Variants in TMEM43 observed in about 807,000 individuals in gnomAD.
TMEM43 encodes the protein arrhythmogenic right ventricular dysplasia 5.
In TMEM43, 45 loss-of-function variants were observed where a neutral mutation model predicts 49.6. That is an observed-to-expected ratio of 0.91 (90% CI 0.71 to 1.16). The LOEUF is 1.16. Ranked by LOEUF, TMEM43 falls within the 50% of genes most tolerant of loss-of-function variation. The pLI is 0.00. For missense variants in TMEM43, 532 were observed against 516.6 expected (o/e 1.03, Z -0.29); for synonymous variants, 199 against 207.8 (o/e 0.96, Z 0.36).
chr3:14,141,873 C>A lies in TMEM43; in HGVS notation c.*78C>A. 9.0e-6 allele frequency: 13 copies of A among 1,440,882 alleles called. No individual in the cohort carries two copies. The highest frequency in any genetic ancestry group is 1.2e-5 in the Non-Finnish European group (13 of 1,060,992). The allele number at this position is 1,440,882 out of a possible 1,614,324, so 89.3% of individuals were successfully genotyped here. A position where few individuals can be genotyped will look rare whatever the true frequency, so the allele number is the denominator to read the frequency against. On this transcript the variant is annotated 3_prime_UTR_variant, in exon 12 of 12. Transcript: ENST00000306077. Reference sequence around the variant, plus strand: ...CTCTCACCTCTGACCCAGCTCCATGCCAGAGCAGGAGCCCCGGTCAATTTT... The same window carrying A: ...CTCTCACCTCTGACCCAGCTCCATGACAGAGCAGGAGCCCCGGTCAATTTT...
At chr3:14,126,970 C>T (rs1423453313) in intron 1 of TMEM43, among the ~76,000 whole-genome samples, 1 of 152,158 alleles carries the variant, frequency 6.6e-6, no homozygotes, top group Non-Finnish European at 1.5e-5. Flanking sequence ...CCCAGGCTTA[C>T]ACAGCAAGCG....
intron 7 of TMEM43, 115 bp from the exon 8 acceptor site, chr3:14,134,655 G>A: frequency 1.5e-6 from 2 of 1,372,926 alleles, no homozygotes. Context: ...ACTGCAGGTG[G>A]GAGTGCCACG....
intron 1 of TMEM43, chr3:14,128,905 A>ATT (rs1695054959): frequency 6.6e-6 from 3 of 455,142 alleles, no homozygotes; most frequent in Non-Finnish European, 1.3e-5. Context: ...ATGATTCAGC[A>ATT]CACTGTGGTA....
chr3:14,133,849 C>T, intron 7 of TMEM43, 40 bp downstream of exon 7: 1 of 1,584,542 alleles, frequency 6.3e-7, no homozygotes, highest in Non-Finnish European at 8.7e-7. Flanking sequence ...GTGCCAGAAG[C>T]ACAAGGCCCC....
chr3:14,136,716 C>T (rs776363730), intron 10 of TMEM43, among the ~76,000 whole-genome samples: 4 of 136,260 alleles, frequency 2.9e-5, no homozygotes, highest in African/African-American at 6.2e-5. Flanking sequence ...TGGGGGGGCT[C>T]CACCAAAGTC....
chr3:14,139,157 C>A, intron 10 of TMEM43, 23 bp from the exon 11 acceptor site: 1 of 1,578,544 alleles, frequency 6.3e-7, no homozygotes, highest in Non-Finnish European at 8.7e-7. Context: ...AGCATCCTGA[C>A]CTGCCCCCAC....
chr3:14,126,516 C>T (rs1695023990), intron 1 of TMEM43, among the ~76,000 whole-genome samples: 1 of 152,206 alleles, frequency 6.6e-6, no homozygotes, highest in Non-Finnish European at 1.5e-5. Context: ...CCAGATTCTT[C>T]CACCCAGTAG....
chr3:14,127,245 T>G (rs1164275087), intron 1 of TMEM43, among the ~76,000 whole-genome samples: 1 of 152,224 alleles, frequency 6.6e-6, no homozygotes, highest in African/African-American at 2.4e-5. Context: ...CTGGGAATTT[T>G]GGTTCAGAAT....
intron 10 of TMEM43, chr3:14,137,997 T>A (rs1695191911): frequency 6.6e-6 from 1 of 152,130 alleles, no homozygotes; most frequent in Non-Finnish European, 1.5e-5. Context: ...CTGAGTGAAT[T>A]TGAGAATTAA....
chr3:14,130,671 C>A, intron 2 of TMEM43, 151 bp from the exon 3 acceptor site: 1 of 1,005,000 alleles, frequency 1.0e-6, no homozygotes, highest in Non-Finnish European at 1.4e-6. Context: ...CCTTACTCTC[C>A]ACTTGCTAGA....
rs150478052 is a variant in TMEM43 at position 14,135,186 on chromosome 3, A to G, written c.734A>G (p.Tyr245Cys). The change falls in exon 9 of 12, where the codon TAT (tyrosine) becomes TGT (cysteine). Residue 245 changes from tyrosine to cysteine, a missense_variant. Tyr to Cys is a radical substitution (Grantham distance 194). Transcript: ENST00000306077. ...EVGDLRVSFS[Y>C]AGLSGDDPDL... is the part of the protein sequence containing the mutation. Reference sequence around the variant, plus strand: ...GGAGACTTGCGTGTCTCCTTTTCCTATGCTGGACTGAGCGGCGATGACCCT... The same window carrying G: ...GGAGACTTGCGTGTCTCCTTTTCCTGTGCTGGACTGAGCGGCGATGACCCT... The G allele has an allele frequency of 3.1e-6, 5 of 1,612,466 alleles. No homozygotes were observed. In the African/African-American group the frequency reaches 4.0e-5, roughly 13 times the overall value.
At chr3:14,132,426 C>G in intron 4 of TMEM43, 120 bp from the exon 5 acceptor site, 1 of 992,816 alleles carries the variant, frequency 1.0e-6, no homozygotes, top group Admixed American at 1.8e-5. Flanking sequence ...GAGAAGGCAT[C>G]TGCCGTATCT....
intron 8 of TMEM43, 115 bp downstream of exon 8, chr3:14,135,006 C>T: frequency 6.5e-7 from 1 of 1,548,656 alleles, no homozygotes; most frequent in Non-Finnish European, 8.9e-7. Flanking sequence ...CCAAGTGCAG[C>T]TGAGTGGGAG....
intron 5 of TMEM43, 72 bp from the exon 6 acceptor site, chr3:14,132,794 G>A: frequency 2.7e-6 from 4 of 1,487,690 alleles, no homozygotes; most frequent in Non-Finnish European, 3.8e-6. Context: ...GAGATAGGAG[G>A]AGCTGGGCTG....
intron 1 of TMEM43, among the ~76,000 whole-genome samples, chr3:14,127,269 G>A (rs1192513502): frequency 6.6e-6 from 1 of 152,048 alleles, no homozygotes; most frequent in Non-Finnish European, 1.5e-5. Context: ...GGCTGGGTTT[G>A]TCATGTCACT....
intron 1 of TMEM43, 78 bp from the exon 2 acceptor site, chr3:14,129,334 A>AAATT: frequency 4.7e-6 from 4 of 849,694 alleles, no homozygotes; most frequent in Non-Finnish European, 6.7e-6. Flanking sequence ...AAAAAAAAAA[A>AAATT]TTGAGTATAA....
chr3:14,128,007 G>A (rs752892366), intron 1 of TMEM43, among the ~76,000 whole-genome samples: 1 of 152,090 alleles, frequency 6.6e-6, no homozygotes, highest in Non-Finnish European at 1.5e-5. Flanking sequence ...ATTTCTACTA[G>A]CTAACACGTG....
At chr3:14,133,642 C>T (rs1277792911) in intron 6 of TMEM43, 97 bp from the exon 7 acceptor site, 17 of 1,128,864 alleles carry the variant, frequency 1.5e-5, no homozygotes, top group South Asian at 1.1e-4. Flanking sequence ...CTTGCAGGAA[C>T]CCCCGGGTGG....
Position 14,135,183 on chromosome 3 carries a change from C to A in TMEM43, c.731C>A (p.Ser244Tyr). ...GTGGGAGACTTGCGTGTCTCCTTTTCCTATGCTGGACTGAGCGGCGATGAC... is the reference window on the plus strand; with the variant it reads ...GTGGGAGACTTGCGTGTCTCCTTTTACTATGCTGGACTGAGCGGCGATGAC... ...PEVGDLRVSF[S>Y]YAGLSGDDPD... The change falls in exon 9 of 12, where the codon TCC becomes TAC. Residue 244 changes from serine to tyrosine, a missense_variant. Ser to Tyr is a moderately radical substitution (Grantham distance 144). Coordinates refer to ENST00000306077, the MANE Select transcript of TMEM43 (RefSeq NM_024334.3). 1 of 1,612,732 alleles carries A rather than the reference C, an allele frequency of 6.2e-7. No homozygotes were observed. The highest frequency in any genetic ancestry group is 8.5e-7 in the Non-Finnish European group (1 of 1,180,010).
Sources: allele counts gnomAD v4.1 joint callset (sites outside exome capture counted in the v4.1 genomes callset), GRCh38; gene constraint gnomAD v4.1.1; transcripts MANE v1.5; gene names NCBI Gene and HGNC (gene_info 2026-07-23, HGNC 2026-07-21).